ZBTB43: variants seen among roughly 807,000 people sequenced by gnomAD.
ZBTB43 encodes the protein zinc finger and BTB domain containing 43.
ZBTB43 carries 6 observed loss-of-function variants against 31.1 expected under a neutral mutation model. The ratio of observed to expected loss-of-function variants is 0.19; its 90% CI spans 0.11 to 0.38. ZBTB43 has a LOEUF of 0.38. Among genes scored for constraint, ZBTB43 ranks in the 10% least tolerant of loss-of-function variants. The pLI, the probability that ZBTB43 is intolerant of heterozygous loss-of-function variation, is 1.00. For synonymous variants in ZBTB43, 212 were observed against 221.7 expected, an observed-to-expected ratio of 0.96 and a Z score of 0.39; for missense variants, 379 against 602.1, an observed-to-expected ratio of 0.63 and a Z score of 3.88.
intron 2 of ZBTB43, among the ~76,000 whole-genome samples, chr9:126,822,099 G>T (rs537557956): frequency 6.6e-6 from 1 of 151,530 alleles, no homozygotes; most frequent in South Asian, 2.1e-4. Flanking sequence ...TCAGGTGCTC[G>T]CCCGCCTGGG....
chr9:126,833,815 A>G lies in ZBTB43; in HGVS notation c.1306A>G (p.Arg436Gly). The G allele has an allele frequency of 6.2e-7, 1 of 1,606,866 alleles. No individual in the cohort carries two copies. The highest frequency in any genetic ancestry group is 1.1e-5 in the South Asian group (1 of 90,992). ...GTATGAGTGTAATATCTGTGCAAAG[A>G]GGTTTATGTGGAGGGACAGTTTCCA... ...KPYECNICAK[R>G]FMWRDSFHRH... Residue 436 changes from arginine (R) to glycine (G), a missense_variant, in exon 3 of 3, where the codon AGG becomes GGG. Arg to Gly is a moderately radical substitution (Grantham distance 125, BLOSUM62 -2). Around this residue, in one of 5 missense-constraint regions of ZBTB43, gnomAD observed 23 missense variants for 105.1 expected, o/e 0.22. Coordinates refer to ENST00000373464, the MANE Select transcript of ZBTB43 (RefSeq NM_014007.4). The surrounding 1 kb of genome is among the most constrained non-coding windows in gnomAD (Gnocchi z 7.9).
rs1441627339 is a variant in ZBTB43 at position 126,829,553 on chromosome 9, T to G, written c.-23-2934T>G. On this transcript the variant is annotated intron_variant, in intron 2 of 2. Transcript: ENST00000373464. The stretch of plus-strand genomic sequence containing the variant: ...AGCTAAGTGTAGAATAAAATGTAGG[T>G]AATGAACCCAGTTGAGTAGGGATTT... Among the ~76,000 whole-genome samples the G allele has an allele frequency of 4.6e-5, 7 of 152,292 alleles. No individual in the cohort carries two copies. In the East Asian group the frequency reaches 1.4e-3, roughly 29 times the overall value.
At chr9:126,809,045 T>C (rs2032187214) in intron 2 of ZBTB43, 130 bp downstream of exon 2, 1 of 152,256 alleles carries the variant, frequency 6.6e-6, no homozygotes, top group Non-Finnish European at 1.5e-5. Context: ...CTTTCTTCTC[T>C]TCTGAAGAGA....
In ZBTB43 at chr9:126,833,712, C is replaced by T. The variant is rs1409751136; in HGVS notation, c.1203C>T (p.Gly401=). The part of the protein sequence containing the change: ...MSMHLGLRPY[G]CGVCGKKFKM... ...TGCACCTCGGTCTTCGGCCTTACGG[C>T]TGTGGGGTCTGCGGTAAGAAATTCA... The change falls in exon 3 of 3, where the codon GGC becomes GGT. Residue 401 remains glycine, a synonymous_variant. Coordinates refer to ENST00000373464, the MANE Select transcript of ZBTB43 (RefSeq NM_014007.4). This position sits in a 1 kb window ranked among gnomAD's most constrained non-coding sequence, Gnocchi z 7.9. 6.2e-7 allele frequency: 1 copy of T among 1,609,282 alleles called. No individual in the cohort carries two copies. The highest frequency in any genetic ancestry group is 8.5e-7 in the Non-Finnish European group (1 of 1,175,892).
chr9:126,825,172 C>G (rs1418994224), intron 2 of ZBTB43, among the ~76,000 whole-genome samples: 1 of 152,190 alleles, frequency 6.6e-6, no homozygotes, highest in Non-Finnish European at 1.5e-5. Context: ...AACTCCTGGG[C>G]TCAAGTGATC....
rs1012268382 is a variant in ZBTB43, at chr9:126,835,365, G to A, written c.*1452G>A. 6.0e-6 allele frequency: 1 copy of A among 167,082 alleles called. No individual in the cohort carries two copies. The highest frequency in any genetic ancestry group is 2.4e-5 in the African/African-American group (1 of 41,444). 10.3% of individuals were successfully genotyped at this position (167,082 alleles called of 1,614,324 possible). A position where few individuals can be genotyped will look rare whatever the true frequency, so the allele number is the denominator to read the frequency against. ...CATACCTGAGGTTATCACCAGGGTA[G>A]GACAGGGTGCTACTACCATGTCATC... On this transcript the variant is annotated 3_prime_UTR_variant, in exon 3 of 3. Coordinates refer to ENST00000373464, the MANE Select transcript of ZBTB43 (RefSeq NM_014007.4).
At chr9:126,804,843 G>T (rs1394675069), upstream of ZBTB43, among the ~76,000 whole-genome samples, 1 of 152,226 alleles carries the variant, frequency 6.6e-6, no homozygotes, top group Non-Finnish European at 1.5e-5. Flanking sequence ...TTTCAACAGC[G>T]TAGTCAGTCC....
chr9:126,828,742 G>A (rs1185751576), intron 2 of ZBTB43, among the ~76,000 whole-genome samples: 1 of 150,700 alleles, frequency 6.6e-6, no homozygotes, highest in Non-Finnish European at 1.5e-5. Flanking sequence ...AAAGCAAAGA[G>A]TACTTATTTT....
intron 2 of ZBTB43, among the ~76,000 whole-genome samples, chr9:126,827,583 T>G (rs1018205572): frequency 1.3e-4 from 20 of 152,384 alleles, no homozygotes; most frequent in African/African-American, 4.6e-4. Flanking sequence ...TTTTGATCAT[T>G]TTTTCAGCTT....
intron 2 of ZBTB43, among the ~76,000 whole-genome samples, chr9:126,825,429 C>T (rs2032609422): frequency 6.6e-6 from 1 of 152,110 alleles, no homozygotes; most frequent in Non-Finnish European, 1.5e-5. Context: ...GGCTGGGTGG[C>T]TTAAACAATG....
At chr9:126,832,431 A>T in intron 2 of ZBTB43, 56 bp from the exon 3 acceptor site, 1 of 1,483,776 alleles carries the variant, frequency 6.7e-7, no homozygotes, top group Non-Finnish European at 9.1e-7. Flanking sequence ...GGAGGAGGGG[A>T]TAAAATAAGT....
Position 126,808,888 on chromosome 9 carries a change from C to G in ZBTB43, c.-51C>G, listed in dbSNP as rs2032184150. ...TTTGATGGCCATGGCATAAGGAACT[C>G]TATCCCAGGAATACAGCTTTGCATT... On this transcript the variant is annotated 5_prime_UTR_variant, in exon 2 of 3. Transcript: ENST00000373464. 6.6e-6 allele frequency: 1 copy of G among 152,166 alleles called. No homozygotes were observed. The allele number at this position is 152,166 out of a possible 1,614,324, so 9.4% of individuals were successfully genotyped here.
chr9:126,817,100 CTTTTTTTTTT>C (rs780632905), intron 2 of ZBTB43, among the ~76,000 whole-genome samples: 20 of 55,362 alleles, frequency 3.6e-4, no homozygotes, highest in Non-Finnish European at 4.5e-4. Flanking sequence ...TCCACTGTAT[CTTTTTTTTTT>C]TTTTTTTTTT....
intron 2 of ZBTB43, among the ~76,000 whole-genome samples, chr9:126,827,670 TA>T (rs1564205746): frequency 6.6e-6 from 1 of 152,238 alleles, no homozygotes; most frequent in African/African-American, 2.4e-5. Flanking sequence ...TTGTGGCATT[TA>T]TTTTTTTAGA....
In ZBTB43 at chr9:126,806,048, G is replaced by A. The variant is rs1032511168; in HGVS notation, c.-147+916G>A. On this transcript the variant is annotated intron_variant, in intron 1 of 2. Coordinates refer to ENST00000373464, the MANE Select transcript of ZBTB43 (RefSeq NM_014007.4). Reference sequence around the variant, plus strand: ...AGGGAGACAGGAGGCCCATTTTAGGGCCAGAGCAGCTTGATGAGTCCTCTC... The same window carrying A: ...AGGGAGACAGGAGGCCCATTTTAGGACCAGAGCAGCTTGATGAGTCCTCTC... Among the ~76,000 whole-genome samples, 27 of 152,188 alleles carry A rather than the reference G, an allele frequency of 1.8e-4. 1 individual carries two copies. The highest frequency in any genetic ancestry group is 3.8e-4 in the Non-Finnish European group (26 of 68,036).
intron 2 of ZBTB43, among the ~76,000 whole-genome samples, chr9:126,823,443 T>C (rs1218745827): frequency 6.6e-6 from 1 of 152,250 alleles, no homozygotes; most frequent in Non-Finnish European, 1.5e-5. Context: ...TTTGTTGTGC[T>C]TACCTGGAAT....
At chr9:126,826,621 G>A (rs903191909) in intron 2 of ZBTB43, among the ~76,000 whole-genome samples, 2 of 151,446 alleles carry the variant, frequency 1.3e-5, no homozygotes, top group South Asian at 2.1e-4. Flanking sequence ...CCGCCACCAC[G>A]CCTGGCTAAT....
intron 2 of ZBTB43, among the ~76,000 whole-genome samples, chr9:126,827,024 A>T (rs184665677): frequency 6.6e-6 from 1 of 152,092 alleles, no homozygotes; most frequent in African/African-American, 2.4e-5. Flanking sequence ...TACTGTGGTA[A>T]CTCTGGAAAT....
chr9:126,804,607 C>T (rs955346992), upstream of ZBTB43, among the ~76,000 whole-genome samples: 2 of 152,154 alleles, frequency 1.3e-5, no homozygotes, highest in Non-Finnish European at 2.9e-5. Context: ...GTCTCAGCTT[C>T]CCAAGTAGCT....
Sources: gnomAD v4.1 joint callset for allele counts (sites outside exome capture counted in the v4.1 genomes callset) on GRCh38, gnomAD v4.1.1 for gene constraint, gnomAD v4.1.1 regional missense constraint, Gnocchi (gnomAD v3.1) non-coding constraint, MANE v1.5 for transcripts, NCBI Gene and HGNC (gene_info 2026-07-23, HGNC 2026-07-21) for gene names.